FOXO3: variants seen among roughly 807,000 people sequenced by gnomAD.
FOXO3 encodes the protein forkhead box protein O3.
FOXO3 carries 4 observed loss-of-function variants against 41.9 expected under a neutral mutation model. That is an observed-to-expected ratio of 0.10 (90% CI 0.05 to 0.22). FOXO3 has a LOEUF of 0.22. FOXO3 is among the 10% of genes least tolerant of loss of function. FOXO3 has a pLI of 1.00. For synonymous variants in FOXO3, 318 were observed against 389.3 expected (o/e 0.82, Z 2.16); for missense variants, 534 against 906.8 (o/e 0.59, Z 5.28).
At position 108,564,984 on chromosome 6, in the gene FOXO3, T is replaced by C. The variant is rs891292536; in HGVS notation, c.621+3155T>C. Among the ~76,000 whole-genome samples, 3 of 152,356 alleles carry C rather than the reference T, an allele frequency of 2.0e-5. No individual in the cohort carries two copies. In the East Asian group the frequency reaches 5.8e-4, roughly 29 times the overall value. On this transcript the variant is annotated intron_variant, in intron 1 of 2. Transcript: ENST00000406360. ...TTCTAGAGGTTTTTGTTTTCCATTT[T>C]CTTCTTTAAATTGATCTTTTTTAAA... is the stretch of plus-strand genomic sequence containing the variant.
At chr6:108,649,302 G>A (rs1778482815) in intron 1 of FOXO3, among the ~76,000 whole-genome samples, 2 of 152,050 alleles carry the variant, frequency 1.3e-5, no homozygotes, top group African/African-American at 2.4e-5. Flanking sequence ...TTGCTCTGGA[G>A]GGAGACACTA....
intron 1 of FOXO3, among the ~76,000 whole-genome samples, chr6:108,626,280 A>G (rs1365425427): frequency 1.3e-5 from 2 of 152,210 alleles, no homozygotes; most frequent in Admixed American, 6.5e-5. Flanking sequence ...TTGGTCCTCA[A>G]TGACTGACTG....
At chr6:108,559,859 G>A (rs915584961), upstream of FOXO3, 1 of 152,374 alleles carries the variant, frequency 6.6e-6, no homozygotes, top group East Asian at 1.9e-4. Flanking sequence ...TGTGGAAGGT[G>A]GCGGCGCGCG....
chr6:108,632,637 A>T (rs1316118339), intron 1 of FOXO3, among the ~76,000 whole-genome samples: 1 of 152,198 alleles, frequency 6.6e-6, no homozygotes, highest in Non-Finnish European at 1.5e-5. Flanking sequence ...AGGCAAGTGA[A>T]GCACATGGTA....
chr6:108,656,320 G>A (rs1017328574), intron 1 of FOXO3: 1 of 981,306 alleles, frequency 1.0e-6, no homozygotes, highest in Non-Finnish European at 1.2e-6. Flanking sequence ...TGTTCCAGGG[G>A]AAGCACATGC....
At chr6:108,593,573 T>G (rs1776788621) in intron 1 of FOXO3, among the ~76,000 whole-genome samples, 2 of 151,902 alleles carry the variant, frequency 1.3e-5, no homozygotes, top group Admixed American at 1.3e-4. Context: ...AGATGGGGTT[T>G]CACCATGTTG....
intron 1 of FOXO3, among the ~76,000 whole-genome samples, chr6:108,655,553 C>T (rs1778660513): frequency 6.6e-6 from 1 of 152,176 alleles, no homozygotes; most frequent in Admixed American, 6.5e-5. Flanking sequence ...TACCTATATC[C>T]AGGCCTTACC....
In FOXO3 at chr6:108,680,080, C is replaced by G. The variant is rs1770782970; in HGVS notation, c.*288C>G. On this transcript the variant is annotated 3_prime_UTR_variant, in exon 3 of 3. Transcript: ENST00000406360. The stretch of plus-strand genomic sequence containing the variant: ...CAGTGGAGGACAGCACCCCTCAGCA[C>G]CACCCACCCTCATTCAGAGCACACC... 1 of 152,670 alleles carries G rather than the reference C, an allele frequency of 6.6e-6. No individual in the cohort carries two copies. Among genetic ancestry groups the G allele is most frequent in the Admixed American group, 6.5e-5 (1 of 15,274 alleles). The allele number at this position is 152,670 out of a possible 1,614,324, so 9.5% of individuals were successfully genotyped here.
intron 1 of FOXO3, among the ~76,000 whole-genome samples, chr6:108,611,743 TTTC>T (rs958733954): frequency 1.2e-4 from 19 of 152,102 alleles, no homozygotes; most frequent in Admixed American, 1.0e-3. Context: ...TAGTTAGGAA[TTTC>T]TTATGTATTC....
intron 1 of FOXO3, among the ~76,000 whole-genome samples, chr6:108,562,479 C>T (rs1039659713): frequency 7.9e-5 from 12 of 152,170 alleles, no homozygotes; most frequent in African/African-American, 2.9e-4. Context: ...AAACCTGCTT[C>T]TGACTAGCTG....
At chr6:108,622,652 C>T (rs1415681374) in intron 1 of FOXO3, among the ~76,000 whole-genome samples, 1 of 152,144 alleles carries the variant, frequency 6.6e-6, no homozygotes, top group East Asian at 1.9e-4. Context: ...TTCTGCCCCT[C>T]TAGGGAAGGG....
chr6:108,651,268 G>C (rs1460251226), intron 1 of FOXO3, among the ~76,000 whole-genome samples: 1 of 152,214 alleles, frequency 6.6e-6, no homozygotes, highest in Non-Finnish European at 1.5e-5. Context: ...GTAACACCTT[G>C]ATTTACAGTG....
chr6:108,561,746 C>T lies in FOXO3; in HGVS notation c.538C>T (p.Leu180=), dbSNP rs375610127. The T allele has an allele frequency of 6.2e-7, 1 of 1,608,558 alleles. No individual in the cohort carries two copies. The highest frequency in any genetic ancestry group is 8.5e-7 in the Non-Finnish European group (1 of 1,177,864). Residue 180 remains leucine (L), a synonymous_variant, in exon 1 of 3, where the codon CTG becomes TTG. Transcript: ENST00000406360. Reference sequence around the variant, plus strand: ...GAGCTCCCCGGACAAACGGCTCACTCTGTCCCAGATCTACGAGTGGATGGT... The same window carrying T: ...GAGCTCCCCGGACAAACGGCTCACTTTGTCCCAGATCTACGAGTGGATGGT... ...IESSPDKRLT[L]SQIYEWMVRC...
intron 2 of FOXO3, among the ~76,000 whole-genome samples, chr6:108,668,276 G>C (rs1779115097): frequency 6.6e-6 from 1 of 152,226 alleles, no homozygotes; most frequent in African/African-American, 2.4e-5. Context: ...TTCTCTGGCG[G>C]GCTGGGTGTT....
intron 1 of FOXO3, among the ~76,000 whole-genome samples, chr6:108,564,335 G>T (rs571874117): frequency 6.6e-6 from 1 of 152,226 alleles, no homozygotes. Flanking sequence ...AGGGAAAAGG[G>T]AGAGATCAGG....
upstream of FOXO3, chr6:108,560,030 C>T (rs904382868): frequency 2.0e-5 from 3 of 152,048 alleles, no homozygotes; most frequent in African/African-American, 4.8e-5. Flanking sequence ...GCGCCGGAGC[C>T]GTGCAGCGGG....
Position 108,591,279 on chromosome 6 carries a change from A to G in FOXO3, c.621+29450A>G, listed in dbSNP as rs559239267. On this transcript the variant is annotated intron_variant, in intron 1 of 2. Coordinates refer to ENST00000406360, the MANE Select transcript of FOXO3 (RefSeq NM_001455.4). Reference sequence around the variant, plus strand: ...CAGCCATCCTGAAACTACTAGGTTTATACTTCTTACCTGTTAGAACAGAGT... The same window carrying G: ...CAGCCATCCTGAAACTACTAGGTTTGTACTTCTTACCTGTTAGAACAGAGT... Among the ~76,000 whole-genome samples, 11 of 152,336 alleles carry G rather than the reference A, an allele frequency of 7.2e-5. No homozygotes were observed. In the East Asian group the frequency reaches 1.7e-3, roughly 24 times the overall value.
At chr6:108,598,930 G>T (rs1040468454) in intron 1 of FOXO3, among the ~76,000 whole-genome samples, 1 of 152,142 alleles carries the variant, frequency 6.6e-6, no homozygotes, top group African/African-American at 2.4e-5. Flanking sequence ...GGCCGGCAAG[G>T]AGTTTCTCTA....
chr6:108,595,089 T>C (rs998526039), intron 1 of FOXO3, among the ~76,000 whole-genome samples: 36 of 152,272 alleles, frequency 2.4e-4, no homozygotes, highest in South Asian at 6.2e-4. Context: ...GATAGATTTT[T>C]CCCTCCCAGG....
Sources: gnomAD v4.1 joint callset for allele counts (sites outside exome capture counted in the v4.1 genomes callset) on GRCh38, gnomAD v4.1.1 for gene constraint, MANE v1.5 for transcripts, NCBI Gene and HGNC (gene_info 2026-07-23, HGNC 2026-07-21) for gene names.